CPNE4: variants seen among roughly 807,000 people sequenced by gnomAD.
CPNE4 encodes the protein copine 4, also known as copine-4.
Under a neutral mutation model 67.9 loss-of-function variants are expected in CPNE4, and 25 were observed. That is an observed-to-expected ratio of 0.37 (90% CI 0.27 to 0.51). The LOEUF (loss-of-function observed/expected upper bound fraction) is 0.51, where lower values mean the gene tolerates loss of function less well. Ranked by LOEUF, CPNE4 falls within the 20% of genes least tolerant of loss-of-function variation. The pLI is 0.93. For missense variants in CPNE4, 464 were observed against 690.8 expected (o/e 0.67, Z 3.68); for synonymous variants, 242 against 244.9 (o/e 0.99, Z 0.11).
At chr3:132,019,050 A>G (rs1177476088) in intron 1 of CPNE4, among the ~76,000 whole-genome samples, 1 of 152,234 alleles carries the variant, frequency 6.6e-6, no homozygotes, top group Non-Finnish European at 1.5e-5. Context: ...CACTCTTCAC[A>G]TATGGCATGG....
chr3:131,627,288 G>C (rs534457367), intron 7 of CPNE4, among the ~76,000 whole-genome samples: 2 of 152,084 alleles, frequency 1.3e-5, no homozygotes, highest in Non-Finnish European at 2.9e-5. Context: ...AGCCTGAATG[G>C]CATCACAATC....
chr3:131,762,735 A>G (rs1028082340), intron 2 of CPNE4, among the ~76,000 whole-genome samples: 2 of 152,104 alleles, frequency 1.3e-5, no homozygotes, highest in African/African-American at 2.4e-5. Context: ...TTCTGCAGGA[A>G]GCCTGGATAG....
intron 1 of CPNE4, among the ~76,000 whole-genome samples, chr3:131,939,545 C>T (rs1465832791): frequency 6.6e-6 from 1 of 151,620 alleles, no homozygotes; most frequent in African/African-American, 2.4e-5. Flanking sequence ...TGTCTGTTTG[C>T]CTAAGATTAT....
chr3:131,819,562 T>C (rs1485508639), intron 2 of CPNE4, among the ~76,000 whole-genome samples: 2 of 151,856 alleles, frequency 1.3e-5, no homozygotes, highest in Non-Finnish European at 2.9e-5. Context: ...TTGGCATGAA[T>C]ATGTATAATT....
intron 7 of CPNE4, among the ~76,000 whole-genome samples, chr3:131,644,170 T>A (rs2079605508): frequency 6.6e-6 from 1 of 151,506 alleles, no homozygotes. Flanking sequence ...TTTTTTGAGA[T>A]GGAGTCTCGC....
intron 1 of CPNE4, among the ~76,000 whole-genome samples, chr3:131,953,368 T>C (rs2071838213): frequency 6.6e-6 from 1 of 152,068 alleles, no homozygotes; most frequent in African/African-American, 2.4e-5. Flanking sequence ...TCATATATGA[T>C]CTTGATTATG....
At chr3:131,978,035 G>A (rs915979772) in intron 1 of CPNE4, among the ~76,000 whole-genome samples, 1 of 112,692 alleles carries the variant, frequency 8.9e-6, no homozygotes, top group East Asian at 2.3e-4. Flanking sequence ...TGGCTGCATA[G>A]TATTCCATCA....
At chr3:131,975,258 T>C (rs1409087046) in intron 1 of CPNE4, among the ~76,000 whole-genome samples, 1 of 151,978 alleles carries the variant, frequency 6.6e-6, no homozygotes, top group Non-Finnish European at 1.5e-5. Flanking sequence ...GTCAAAGTCA[T>C]GAGGAGAAAC....
chr3:131,778,944 C>T (rs1284802780), intron 2 of CPNE4, among the ~76,000 whole-genome samples: 2 of 152,102 alleles, frequency 1.3e-5, no homozygotes, highest in African/African-American at 4.8e-5. Flanking sequence ...ACCTCACAGT[C>T]TCTGCTGAAA....
At chr3:131,673,482 C>T (rs1248663930) in intron 6 of CPNE4, among the ~76,000 whole-genome samples, 1 of 151,856 alleles carries the variant, frequency 6.6e-6, no homozygotes, top group Non-Finnish European at 1.5e-5. Flanking sequence ...ACTATTTTTC[C>T]ATTGTATTGT....
chr3:131,735,230 C>T (rs185431193), intron 2 of CPNE4, among the ~76,000 whole-genome samples: 4 of 152,290 alleles, frequency 2.6e-5, no homozygotes, highest in African/African-American at 9.6e-5. Context: ...AATGAGTTAG[C>T]CCAGGAACCC....
intron 2 of CPNE4, among the ~76,000 whole-genome samples, chr3:131,760,766 C>A (rs1314798444): frequency 6.6e-6 from 1 of 152,156 alleles, no homozygotes; most frequent in Non-Finnish European, 1.5e-5. Context: ...ATACGTGACA[C>A]TTTTTCTTTT....
At chr3:131,691,821 T>C (rs2081041136) in intron 5 of CPNE4, among the ~76,000 whole-genome samples, 1 of 152,228 alleles carries the variant, frequency 6.6e-6, no homozygotes, top group Non-Finnish European at 1.5e-5. Context: ...AGAAGGCATC[T>C]GATTCATGGA....
chr3:132,016,813 C>T (rs188308552), intron 1 of CPNE4, among the ~76,000 whole-genome samples: 1 of 152,338 alleles, frequency 6.6e-6, no homozygotes, highest in Non-Finnish European at 1.5e-5. Context: ...CAGTCATATT[C>T]ACACTGTCTT....
intron 7 of CPNE4, among the ~76,000 whole-genome samples, chr3:131,659,770 G>A (rs73218405): frequency 0.027 from 4,103 of 152,140 alleles, 83 homozygotes; most frequent in East Asian, 0.098. Context: ...GAGGAATTTG[G>A]GAGTCAGAAA....
chr3:131,890,195 GAATT>G (rs983997159), intron 2 of CPNE4, among the ~76,000 whole-genome samples: 4 of 151,704 alleles, frequency 2.6e-5, no homozygotes, highest in Non-Finnish European at 4.4e-5. Flanking sequence ...TATCTAAAAA[GAATT>G]AATTTCTAAA....
Position 131,656,053 on chromosome 3 carries a change from CTTTTT to C in CPNE4, c.681+13617_681+13621del, listed in dbSNP as rs11360041. ...ACCAGATGTGGCCACAATACTGTTT[CTTTTT>C]TTTTTTTTTTTTGTGACTTGCATTC... On this transcript the variant is annotated intron_variant, in intron 7 of 15. Coordinates refer to ENST00000429747, the MANE Select transcript of CPNE4 (RefSeq NM_130808.3). Among the ~76,000 whole-genome samples, 255 of 131,664 alleles carry C rather than the reference CTTTTT, an allele frequency of 1.9e-3. 1 individual carries two copies. Among genetic ancestry groups the C allele is most frequent in the African/African-American group, 7.2e-3 (242 of 33,756 alleles). The allele number at this position is 131,664 out of a possible 152,430, so 86.4% of individuals were successfully genotyped here.
intron 1 of CPNE4, among the ~76,000 whole-genome samples, chr3:131,971,422 T>C (rs2072498890): frequency 6.6e-6 from 1 of 152,226 alleles, no homozygotes; most frequent in Non-Finnish European, 1.5e-5. Context: ...GAACTATCTT[T>C]TTTATACCAT....
chr3:131,936,759 C>T (rs1331294524), intron 1 of CPNE4, among the ~76,000 whole-genome samples: 1 of 151,640 alleles, frequency 6.6e-6, no homozygotes, highest in Admixed American at 6.6e-5. Context: ...ATGAAACCAT[C>T]CCCCTTGTCT....
Sources: gnomAD v4.1 joint callset for allele counts (sites outside exome capture counted in the v4.1 genomes callset) on GRCh38, gnomAD v4.1.1 for gene constraint, MANE v1.5 for transcripts, NCBI Gene and HGNC (gene_info 2026-07-23, HGNC 2026-07-21) for gene names.